The following NOTCH2NLR variants were observed in gnomAD, a reference collection of about 807,000 sequenced individuals.
NOTCH2NLR encodes notch 2 N-terminal like R, also known as notch 2 N-terminal like R (pseudogene).
Under a neutral mutation model 35.6 loss-of-function variants are expected in NOTCH2NLR, and 33 were observed. The ratio of observed to expected loss-of-function variants is 0.93; its 90% confidence interval spans 0.70 to 1.24. The LOEUF is 1.24. Among genes scored for constraint, NOTCH2NLR ranks in the 50% most tolerant of loss-of-function variants. The pLI is 0.00. For missense variants in NOTCH2NLR, 276 were observed against 362.2 expected (o/e 0.76, Z 1.93); for synonymous variants, 103 against 141.0 (o/e 0.73, Z 1.91).
intron 1 of NOTCH2NLR, among the ~76,000 whole-genome samples, chr1:120,732,915 CT>C (rs1242975452): frequency 9.8e-6 from 1 of 102,476 alleles, no homozygotes; most frequent in Non-Finnish European, 1.8e-5. Context: ...TTATACTTTG[CT>C]GATTTTCTCT....
Position 120,756,614 on chromosome 1 carries a change from A to G in NOTCH2NLR, c.74-7014A>G, listed in dbSNP as rs1282055202. 1.7e-5 allele frequency among the ~76,000 whole-genome samples: 2 copies of G among 118,152 alleles called. 1 individual carries two copies. Among genetic ancestry groups the G allele is most frequent in the Non-Finnish European group, 3.3e-5 (2 of 61,456 alleles). 77.5% of individuals were successfully genotyped at this position (118,152 alleles called of 152,430 possible). A position where few individuals can be genotyped will look rare whatever the true frequency, so the allele number is the denominator to read the frequency against. On this transcript the variant is annotated intron_variant, in intron 1 of 4. Transcript: ENST00000624419. ...TACATGTTAATGCAACAAGTAAAAC[A>G]CATTGAAGGCTTCTCAGATTACACT...
intron 2 of NOTCH2NLR, among the ~76,000 whole-genome samples, chr1:120,776,067 G>A (rs1651304471): frequency 8.8e-6 from 1 of 114,014 alleles, no homozygotes; most frequent in Non-Finnish European, 1.7e-5. Context: ...TTTTTAAGGG[G>A]TAAAGATTCC....
chr1:120,785,021 G>T (rs2101454217), exon 3 of NOTCH2NLR: 3 of 1,429,560 alleles, frequency 2.1e-6, no homozygotes, highest in East Asian at 2.3e-5. Flanking sequence ...CGAGACCCCT[G>T]TGAGAAGAAC....
rs1377228641 is a variant in NOTCH2NLR at position 120,727,385 on chromosome 1, C to T, written c.73+3135C>T. ...TAACCTTAGTCATTCCAGTGTTTAA[C>T]GCTTCTGACTCAAGAATTTTAAAAT... On this transcript the variant is annotated intron_variant, in intron 1 of 4. Coordinates refer to ENST00000624419, the Ensembl canonical transcript of NOTCH2NLR. 2.6e-5 allele frequency among the ~76,000 whole-genome samples: 3 copies of T among 115,506 alleles called. 1 individual carries two copies. Among genetic ancestry groups the T allele is most frequent in the East Asian group, 2.1e-4 (1 of 4,714 alleles). The allele number at this position is 115,506 out of a possible 152,430, so 75.8% of individuals were successfully genotyped here. A position where few individuals can be genotyped will look rare whatever the true frequency, so the allele number is the denominator to read the frequency against.
intron 1 of NOTCH2NLR, among the ~76,000 whole-genome samples, chr1:120,728,838 T>A (rs1252579340): frequency 2.8e-5 from 3 of 106,564 alleles, no homozygotes; most frequent in Non-Finnish European, 5.2e-5. Context: ...ACCAAGAGAG[T>A]CCCCTGAACA....
Position 120,793,086 on chromosome 1 carries a change from T to C in NOTCH2NLR, c.416-75T>C. 11 of 675,218 alleles carry C rather than the reference T, an allele frequency of 1.6e-5. 1 individual carries two copies. The highest frequency in any genetic ancestry group is 2.7e-5 in the Non-Finnish European group (11 of 408,896). The allele number at this position is 675,218 out of a possible 1,614,324, so 41.8% of individuals were successfully genotyped here. A position where few individuals can be genotyped will look rare whatever the true frequency, so the allele number is the denominator to read the frequency against. On this transcript the variant is annotated intron_variant, in intron 3 of 4. Transcript: ENST00000624419. ...TCTTCTCCACGCAAGAGCTCGCTGATGTCAATGAGGTATTGAGGATGGGGC... is the reference window on the plus strand; with the variant it reads ...TCTTCTCCACGCAAGAGCTCGCTGACGTCAATGAGGTATTGAGGATGGGGC...
chr1:120,790,590 TTCTCTTTC>T (rs1651480448), intron 3 of NOTCH2NLR, among the ~76,000 whole-genome samples: 1 of 88,570 alleles, frequency 1.1e-5, no homozygotes, highest in South Asian at 3.4e-4. Context: ...CTTTCTTTCT[TTCTCTTTC>T]TCTCTCTTTC....
At chr1:120,767,682 G>A (rs1651209077) in intron 2 of NOTCH2NLR, among the ~76,000 whole-genome samples, 1 of 108,392 alleles carries the variant, frequency 9.2e-6, no homozygotes, top group Non-Finnish European at 1.7e-5. Context: ...TTGTCCTACT[G>A]GGAGGTGTAA....
Position 120,724,224 on chromosome 1 carries a change from G to A in NOTCH2NLR, c.47G>A (p.Trp16Ter), listed in dbSNP as rs1262110557. 10 of 1,404,982 alleles carry A rather than the reference G, an allele frequency of 7.1e-6. 3 individuals are homozygous for A. The highest frequency in any genetic ancestry group is 9.3e-6 in the Non-Finnish European group (10 of 1,070,284). The allele number at this position is 1,404,982 out of a possible 1,614,324, so 87.0% of individuals were successfully genotyped here. Residue 16 changes from tryptophan (W) to a stop codon, truncating the protein, a stop_gained, in exon 1 of 5, where the codon TGG becomes TAG. Transcript: ENST00000624419. LOFTEE classifies it high-confidence loss of function. The stretch of plus-strand genomic sequence containing the variant: ...CTGCTGTGGGCGCTGCTGGCGCTCT[G>A]GCTGTGCTGGGCGGCCCCCGCGCAT...
At position 120,776,154 on chromosome 1, in the gene NOTCH2NLR, G is replaced by A. The variant is rs1169493790; in HGVS notation, c.156-8820G>A. 5.2e-5 allele frequency among the ~76,000 whole-genome samples: 6 copies of A among 116,402 alleles called. 1 individual carries two copies. The highest frequency in any genetic ancestry group is 1.5e-4 in the African/African-American group (3 of 19,838). The allele number at this position is 116,402 out of a possible 152,430, so 76.4% of individuals were successfully genotyped here. On this transcript the variant is annotated intron_variant, in intron 2 of 4. Transcript: ENST00000624419. ...TTCTATATGCCAGTCATTGTGTTAG[G>A]CACTGGGAGTATGAGAATTAATAAT... is the stretch of plus-strand genomic sequence containing the variant.
chr1:120,770,458 C>T lies in NOTCH2NLR; in HGVS notation c.155+6749C>T, dbSNP rs1234034478. On this transcript the variant is annotated intron_variant, in intron 2 of 4. Transcript: ENST00000624419. Reference sequence around the variant, plus strand: ...TGCTGGGATTACAGGCGTGAGCCACCACACCCAGCCGAGGACATAGGTTTT... The same window carrying T: ...TGCTGGGATTACAGGCGTGAGCCACTACACCCAGCCGAGGACATAGGTTTT... 2.7e-5 allele frequency among the ~76,000 whole-genome samples: 3 copies of T among 112,814 alleles called. 1 individual carries two copies. The highest frequency in any genetic ancestry group is 1.7e-4 in the African/African-American group (3 of 17,492). The allele number at this position is 112,814 out of a possible 152,430, so 74.0% of individuals were successfully genotyped here.
chr1:120,784,743 A>G (rs1651402577), intron 2 of NOTCH2NLR, among the ~76,000 whole-genome samples: 1 of 117,836 alleles, frequency 8.5e-6, no homozygotes, highest in Non-Finnish European at 1.6e-5. Context: ...TTAGAATGTA[A>G]ACTCCAAGAG....
At position 120,724,325 on chromosome 1, in the gene NOTCH2NLR, CCTT is replaced by C. The variant is rs1385259084; in HGVS notation, c.73+78_73+80del. 46 of 1,361,420 alleles carry C rather than the reference CCTT, an allele frequency of 3.4e-5. 6 individuals are homozygous for C. In the East Asian group the frequency reaches 1.1e-3, roughly 34 times the overall value. 84.3% of individuals were successfully genotyped at this position (1,361,420 alleles called of 1,614,324 possible). On this transcript the variant is annotated intron_variant, in intron 1 of 4. Transcript: ENST00000624419. ...TGGGGCGACCCTTCTCCCCCTCAGTCCTTCTCTGTGTGGGAAGGCCAGGCTCGG... is the reference window on the plus strand; with the variant it reads ...TGGGGCGACCCTTCTCCCCCTCAGTCCTCTGTGTGGGAAGGCCAGGCTCGG...
At chr1:120,793,243 C>G in exon 4 of NOTCH2NLR, 1 of 1,438,900 alleles carries the variant, frequency 6.9e-7, no homozygotes, top group South Asian at 1.2e-5. Flanking sequence ...CCAACCAGTT[C>G]TCCTGCAAAT....
chr1:120,783,831 A>G (rs1651393071), intron 2 of NOTCH2NLR, among the ~76,000 whole-genome samples: 9 of 111,074 alleles, frequency 8.1e-5, no homozygotes, highest in Non-Finnish European at 1.7e-5. Flanking sequence ...AGGGAGTCAT[A>G]GAAGCCAAGG....
rs1418350998 is a variant in NOTCH2NLR at position 120,765,811 on chromosome 1, T to C, written c.155+2102T>C. On this transcript the variant is annotated intron_variant, in intron 2 of 4. Coordinates refer to ENST00000624419, the Ensembl canonical transcript of NOTCH2NLR. ...AATACTATGCAGCCATAAAAAAGAATGAGTTCATGTCCTTTGCAGGGACAT... is the reference window on the plus strand; with the variant it reads ...AATACTATGCAGCCATAAAAAAGAACGAGTTCATGTCCTTTGCAGGGACAT... 3.1e-5 allele frequency among the ~76,000 whole-genome samples: 4 copies of C among 127,810 alleles called. 1 individual carries two copies. Among genetic ancestry groups the C allele is most frequent in the African/African-American group, 1.4e-4 (4 of 29,226 alleles). 83.8% of individuals were successfully genotyped at this position (127,810 alleles called of 152,430 possible).
intron 2 of NOTCH2NLR, among the ~76,000 whole-genome samples, chr1:120,764,777 T>C (rs1216785245): frequency 9.2e-6 from 1 of 108,382 alleles, no homozygotes; most frequent in Non-Finnish European, 1.8e-5. Context: ...GGGAAGATGC[T>C]GGAGAAATAA....
At chr1:120,752,560 TTTTTTTTTTTTTTTC>T (rs1651034111) in intron 1 of NOTCH2NLR, among the ~76,000 whole-genome samples, 1 of 19,614 alleles carries the variant, frequency 5.1e-5, no homozygotes, top group African/African-American at 6.7e-4. Flanking sequence ...ATATATTTTT[TTTTTTTTTTTTTTTC>T]TTTTTTTTTT....
At chr1:120,793,316 C>A in exon 4 of NOTCH2NLR, 1 of 1,404,032 alleles carries the variant, frequency 7.1e-7, no homozygotes, top group Non-Finnish European at 9.6e-7. Flanking sequence ...CATTCCAGGA[C>A]ACTGCCAGCA....
Sources: gnomAD v4.1 joint callset for allele counts (sites outside exome capture counted in the v4.1 genomes callset) on GRCh38, gnomAD v4.1.1 for gene constraint, MANE v1.5 for transcripts, NCBI Gene and HGNC (gene_info 2026-07-23, HGNC 2026-07-21) for gene names.